Variants in PDZRN4 observed in about 807,000 individuals in gnomAD.
The protein encoded by PDZRN4 is PDZ domain containing ring finger 4.
Under a neutral mutation model 99.0 loss-of-function variants are expected in PDZRN4, and 70 were observed. The ratio of observed to expected loss-of-function variants is 0.71; its 90% confidence interval spans 0.58 to 0.86. PDZRN4 has a LOEUF of 0.86. Among genes scored for constraint, PDZRN4 ranks in the 40% least tolerant of loss-of-function variants. The probability of loss-of-function intolerance (pLI) is 0.00; values close to 1 mark genes in which losing one functional copy is unlikely to be tolerated. For missense variants in PDZRN4, 1,474 were observed against 1,331.2 expected, an observed-to-expected ratio of 1.11 and a Z score of -1.67; for synonymous variants, 551 against 501.6, an observed-to-expected ratio of 1.10 and a Z score of -1.32.
chr12:41,560,430 A>G (rs1451964230), intron 7 of PDZRN4, among the ~76,000 whole-genome samples: 1 of 152,240 alleles, frequency 6.6e-6, no homozygotes, highest in South Asian at 2.1e-4. Context: ...AGATCTATCC[A>G]TATAAGTACC....
chr12:41,562,932 A>G (rs1006072376), intron 7 of PDZRN4, among the ~76,000 whole-genome samples: 33 of 152,184 alleles, frequency 2.2e-4, no homozygotes, highest in Non-Finnish European at 4.4e-4. Context: ...ACTTTAGGAA[A>G]TGGATAGATA....
intron 5 of PDZRN4, among the ~76,000 whole-genome samples, chr12:41,546,653 CA>C (rs112035516): frequency 1.1e-4 from 16 of 151,254 alleles, no homozygotes; most frequent in African/African-American, 3.4e-4. Context: ...TTTTAAAAGC[CA>C]AAAAAAAGAT....
intron 3 of PDZRN4, among the ~76,000 whole-genome samples, chr12:41,439,573 G>A (rs1466861918): frequency 6.6e-6 from 1 of 152,158 alleles, no homozygotes; most frequent in Non-Finnish European, 1.5e-5. Flanking sequence ...ACTGCAGCCA[G>A]AAAGGACCAC....
chr12:41,211,958 G>T (rs1165406631), intron 3 of PDZRN4, among the ~76,000 whole-genome samples: 1 of 151,842 alleles, frequency 6.6e-6, no homozygotes, highest in East Asian at 1.9e-4. Flanking sequence ...AGGTATATTT[G>T]CCTTAGTTTA....
chr12:41,572,317 T>C, intron 9 of PDZRN4, 47 bp from the exon 10 acceptor site: 2 of 1,494,618 alleles, frequency 1.3e-6, no homozygotes, highest in South Asian at 2.5e-5. Context: ...AACAAATGTC[T>C]TCCAAAATCA....
intron 3 of PDZRN4, chr12:41,438,159 T>G (rs1159684191): frequency 1.2e-6 from 1 of 838,886 alleles, no homozygotes; most frequent in African/African-American, 1.7e-5. Flanking sequence ...CTTTTAATTT[T>G]GGTTTTGGGT....
chr12:41,361,924 C>T (rs1385581055), intron 3 of PDZRN4, among the ~76,000 whole-genome samples: 2 of 151,920 alleles, frequency 1.3e-5, no homozygotes, highest in African/African-American at 4.8e-5. Context: ...GGCTGACTCG[C>T]GTCGCACCAG....
intron 3 of PDZRN4, among the ~76,000 whole-genome samples, chr12:41,468,405 C>T (rs1195299568): frequency 2.0e-5 from 3 of 152,146 alleles, no homozygotes; most frequent in Non-Finnish European, 4.4e-5. Context: ...AGTATGTTTG[C>T]CCTCTGTATA....
chr12:41,363,952 A>C (rs1474622719), intron 3 of PDZRN4, among the ~76,000 whole-genome samples: 1 of 152,102 alleles, frequency 6.6e-6, no homozygotes, highest in Non-Finnish European at 1.5e-5. Flanking sequence ...AGAATAAAGA[A>C]AGAAAATAAT....
At chr12:41,211,338 G>T (rs755508051) in intron 3 of PDZRN4, among the ~76,000 whole-genome samples, 2 of 152,090 alleles carry the variant, frequency 1.3e-5, no homozygotes, top group African/African-American at 2.4e-5. Context: ...AGATTATATT[G>T]CTTTGGTTTA....
intron 5 of PDZRN4, 51 bp downstream of exon 5, chr12:41,509,964 G>T: frequency 1.2e-6 from 1 of 856,938 alleles, no homozygotes. Context: ...TTACGGTTGA[G>T]GGGTTTTGTA....
chr12:41,369,005 T>C (rs1952021428), intron 3 of PDZRN4, among the ~76,000 whole-genome samples: 1 of 152,148 alleles, frequency 6.6e-6, no homozygotes, highest in Admixed American at 6.6e-5. Flanking sequence ...TAAATCACTT[T>C]TAAACTTTTC....
intron 3 of PDZRN4, among the ~76,000 whole-genome samples, chr12:41,208,415 T>A (rs978070957): frequency 6.6e-6 from 1 of 151,962 alleles, no homozygotes; most frequent in Non-Finnish European, 1.5e-5. Context: ...TGTCTCCATC[T>A]CTTTGCTTCT....
At chr12:41,337,651 T>C (rs1951785430) in intron 3 of PDZRN4, among the ~76,000 whole-genome samples, 1 of 152,098 alleles carries the variant, frequency 6.6e-6, no homozygotes, top group Non-Finnish European at 1.5e-5. Flanking sequence ...CTGATCTCAG[T>C]TGTTATAATC....
chr12:41,355,742 T>G (rs1951923125), intron 3 of PDZRN4, among the ~76,000 whole-genome samples: 1 of 152,076 alleles, frequency 6.6e-6, no homozygotes, highest in Non-Finnish European at 1.5e-5. Context: ...AAAGTATTAG[T>G]GTCTCCAAGT....
intron 3 of PDZRN4, among the ~76,000 whole-genome samples, chr12:41,479,324 A>G (rs892211361): frequency 2.6e-5 from 4 of 152,350 alleles, no homozygotes; most frequent in Non-Finnish European, 4.4e-5. Flanking sequence ...CTACAGTCCA[A>G]TAGATCAGTG....
chr12:41,270,270 G>A (rs1193940039), intron 3 of PDZRN4, among the ~76,000 whole-genome samples: 3 of 128,992 alleles, frequency 2.3e-5, no homozygotes, highest in Admixed American at 1.7e-4. Context: ...TTGTGTGTGT[G>A]TGTGTCTGTG....
At chr12:41,535,238 C>T (rs1473635341) in intron 5 of PDZRN4, among the ~76,000 whole-genome samples, 1 of 152,112 alleles carries the variant, frequency 6.6e-6, no homozygotes, top group Non-Finnish European at 1.5e-5. Flanking sequence ...ACTCATGATG[C>T]GTTGTTTCTT....
chr12:41,424,962 G>T (rs993962730), intron 3 of PDZRN4, among the ~76,000 whole-genome samples: 1 of 152,138 alleles, frequency 6.6e-6, no homozygotes, highest in Admixed American at 6.5e-5. Context: ...GGCAAACATT[G>T]TCTTCTGGGG....
Sources: gnomAD v4.1 joint callset for allele counts (sites outside exome capture counted in the v4.1 genomes callset) on GRCh38, gnomAD v4.1.1 for gene constraint, MANE v1.5 for transcripts, NCBI Gene and HGNC (gene_info 2026-07-23, HGNC 2026-07-21) for gene names.